ELMO1: variants seen among roughly 807,000 people sequenced by gnomAD.
ELMO1 encodes engulfment and cell motility protein 1.
ELMO1 carries 26 observed loss-of-function variants against 98.9 expected under a neutral mutation model. The ratio of observed to expected loss-of-function variants is 0.26; its 90% CI spans 0.19 to 0.36. The LOEUF is 0.36. ELMO1 is among the 10% of genes least tolerant of loss of function. The pLI, the probability that ELMO1 is intolerant of heterozygous loss-of-function variation, is 1.00. For synonymous variants in ELMO1, 346 were observed against 346.0 expected, an observed-to-expected ratio of 1.00 and a Z score of 0.00; for missense variants, 627 against 935.2, an observed-to-expected ratio of 0.67 and a Z score of 4.30.
rs561053536 is a variant in ELMO1 at position 36,854,270 on chromosome 7, A to T, written c.*1281T>A. 1.3e-5 allele frequency: 2 copies of T among 152,264 alleles called. No individual in the cohort carries two copies. The highest frequency in any genetic ancestry group is 4.8e-5 in the African/African-American group (2 of 41,552). The allele number at this position is 152,264 out of a possible 1,614,324, so 9.4% of individuals were successfully genotyped here. A position where few individuals can be genotyped will look rare whatever the true frequency, so the allele number is the denominator to read the frequency against. ...ATTCAGCAGGTCTAGGGTGGAGCTG[A>T]AGAGCTGGCATCTCCAACAAGCTCC... On this transcript the variant is annotated 3_prime_UTR_variant, in exon 22 of 22. Transcript: ENST00000310758.
At chr7:37,281,528 CTTTCA>C (rs1169171952) in intron 4 of ELMO1, among the ~76,000 whole-genome samples, 1 of 152,176 alleles carries the variant, frequency 6.6e-6, no homozygotes, top group African/African-American at 2.4e-5. Flanking sequence ...AGTCTTTAAT[CTTTCA>C]TTTATCCTAT....
At chr7:37,448,589 CTCCCGGCCCCAG>C (rs1016389739) in intron 1 of ELMO1, 74 bp downstream of exon 1, 8 of 152,166 alleles carry the variant, frequency 5.3e-5, no homozygotes, top group African/African-American at 9.7e-5. Flanking sequence ...AGGACGCCTC[CTCCCGGCCCCAG>C]TCCCGGCCCC....
intron 8 of ELMO1, 150 bp from the exon 9 acceptor site, chr7:37,225,180 A>G: frequency 1.2e-6 from 1 of 806,112 alleles, no homozygotes; most frequent in East Asian, 2.7e-5. Flanking sequence ...CAAGAAACCC[A>G]TTGAACTAGG....
intron 15 of ELMO1, among the ~76,000 whole-genome samples, chr7:37,055,813 C>A (rs1049405752): frequency 6.6e-6 from 1 of 152,170 alleles, no homozygotes; most frequent in Non-Finnish European, 1.5e-5. Flanking sequence ...CTGTCAGCCA[C>A]GCACCCTGGA....
rs755085999 is a variant in ELMO1, at chr7:37,279,952, T to G, written c.193-8070A>C. Among the ~76,000 whole-genome samples the G allele has an allele frequency of 2.6e-4, 39 of 152,158 alleles. 1 individual carries two copies. Among genetic ancestry groups the G allele is most frequent in the Admixed American group, 6.5e-5 (1 of 15,278 alleles). On this transcript the variant is annotated intron_variant, in intron 4 of 21. Transcript: ENST00000310758. ...CATCACACTACCTGATTTCAAACTA[T>G]ACTATAAGGCCATAGTCACCAAAAC...
chr7:37,432,006 C>A (rs190671772), intron 1 of ELMO1, among the ~76,000 whole-genome samples: 3 of 152,138 alleles, frequency 2.0e-5, no homozygotes, highest in African/African-American at 7.2e-5. Flanking sequence ...CTCAGCCTCC[C>A]GAGTATCTGG....
At chr7:37,000,965 G>A (rs1792627712) in intron 16 of ELMO1, among the ~76,000 whole-genome samples, 1 of 130,544 alleles carries the variant, frequency 7.7e-6, no homozygotes, top group Non-Finnish European at 1.6e-5. Flanking sequence ...ACACACACAC[G>A]TTTTTTAACA....
rs145053260 is a variant in ELMO1, at chr7:37,436,279, G to A, written c.-74+12396C>T. Among the ~76,000 whole-genome samples, 619 of 152,236 alleles carry A rather than the reference G, an allele frequency of 4.1e-3. 16 individuals carry two copies. Among genetic ancestry groups the A allele is most frequent in the Admixed American group, 0.037 (562 of 15,296 alleles). The stretch of plus-strand genomic sequence containing the variant: ...CAATCCTGATATATAGAAAAGAGGC[G>A]TTGCTACACAGCGGACACTGTAGTT... On this transcript the variant is annotated intron_variant, in intron 1 of 21. Transcript: ENST00000310758.
intron 16 of ELMO1, among the ~76,000 whole-genome samples, chr7:36,931,730 A>G (rs565869352): frequency 1.3e-5 from 2 of 152,358 alleles, no homozygotes; most frequent in Admixed American, 1.3e-4. Flanking sequence ...GGTGGAGTGC[A>G]TGTCCTGAAT....
At chr7:37,336,140 T>G (rs1030156119) in intron 2 of ELMO1, among the ~76,000 whole-genome samples, 3 of 151,952 alleles carry the variant, frequency 2.0e-5, no homozygotes, top group Non-Finnish European at 4.4e-5. Context: ...GGCAGGAGGA[T>G]ATCTTGAGCC....
rs533390563 is a variant in ELMO1 at position 37,256,732 on chromosome 7, G to A, written c.413+2449C>T. 2.1e-3 allele frequency among the ~76,000 whole-genome samples: 110 copies of A among 52,506 alleles called. No homozygotes were observed. The Middle Eastern group carries it at 0.031, about 15-fold the overall frequency. 34.4% of individuals were successfully genotyped at this position (52,506 alleles called of 152,430 possible). A position where few individuals can be genotyped will look rare whatever the true frequency, so the allele number is the denominator to read the frequency against. On this transcript the variant is annotated intron_variant, in intron 6 of 21. Transcript: ENST00000310758. ...GAAAGGGAGAGGGGCAGGGGGAAGG[G>A]AAGGGAAGGGAAGGGAAGGGAAGGG...
intron 1 of ELMO1, among the ~76,000 whole-genome samples, chr7:37,380,232 A>T (rs1301683550): frequency 6.6e-6 from 1 of 152,186 alleles, no homozygotes. Flanking sequence ...CTATTTAGCC[A>T]TCCTGGTGGC....
chr7:37,441,098 C>T (rs1805398079), intron 1 of ELMO1, among the ~76,000 whole-genome samples: 1 of 151,506 alleles, frequency 6.6e-6, no homozygotes, highest in East Asian at 1.9e-4. Context: ...TGCCACTGAA[C>T]CCCACAGCAC....
At chr7:36,953,260 C>T (rs1337402409) in intron 16 of ELMO1, among the ~76,000 whole-genome samples, 2 of 152,120 alleles carry the variant, frequency 1.3e-5, no homozygotes, top group Non-Finnish European at 2.9e-5. Flanking sequence ...AGCCACCGTG[C>T]CTCTCTTGAC....
At chr7:37,053,085 G>T (rs561445199) in intron 15 of ELMO1, among the ~76,000 whole-genome samples, 6 of 152,170 alleles carry the variant, frequency 3.9e-5, no homozygotes, top group African/African-American at 1.4e-4. Flanking sequence ...TTCATTTCCA[G>T]ACATGGACAA....
intron 18 of ELMO1, among the ~76,000 whole-genome samples, chr7:36,881,047 T>C (rs1383644447): frequency 6.6e-6 from 1 of 152,134 alleles, no homozygotes; most frequent in Non-Finnish European, 1.5e-5. Context: ...ACTAAAACGA[T>C]AAAAAGCAAA....
intron 1 of ELMO1, among the ~76,000 whole-genome samples, chr7:37,351,620 T>C (rs778968928): frequency 2.6e-5 from 4 of 152,236 alleles, no homozygotes; most frequent in Non-Finnish European, 5.9e-5. Flanking sequence ...TGTACTACCC[T>C]AACATCCTTC....
intron 15 of ELMO1, among the ~76,000 whole-genome samples, chr7:37,023,523 A>G (rs1330614212): frequency 1.3e-5 from 2 of 152,138 alleles, no homozygotes; most frequent in Non-Finnish European, 2.9e-5. Flanking sequence ...AACTGCTATC[A>G]GCTTCTGAAG....
chr7:37,206,340 G>C (rs970914946), intron 13 of ELMO1, among the ~76,000 whole-genome samples: 1 of 152,154 alleles, frequency 6.6e-6, no homozygotes, highest in Non-Finnish European at 1.5e-5. Flanking sequence ...CACTCAGCCT[G>C]TGATTGGTAG....
Sources: allele counts gnomAD v4.1 joint callset (sites outside exome capture counted in the v4.1 genomes callset), GRCh38; gene constraint gnomAD v4.1.1; transcripts MANE v1.5; gene names NCBI Gene and HGNC (gene_info 2026-07-23, HGNC 2026-07-21).